Variants in DEFB128 observed in about 807,000 individuals in gnomAD.
The protein encoded by DEFB128 is defensin beta 128, also known as beta-defensin 128.
DEFB128 carries 1 observed loss-of-function variant against 2.4 expected under a neutral mutation model. That is an observed-to-expected ratio of 0.41 (90% CI 0.15 to 1.96). The LOEUF (loss-of-function observed/expected upper bound fraction) is 1.96, where lower values mean the gene tolerates loss of function less well. DEFB128 is among the 30% of genes most tolerant of loss of function. The pLI is 0.30. For synonymous variants in DEFB128, 59 were observed against 39.1 expected (o/e 1.51, Z -1.89); for missense variants, 129 against 104.9 (o/e 1.23, Z -1.00).
chr20:187,910 G>A lies in DEFB128; in HGVS notation c.258C>T (p.Pro86=), dbSNP rs766737080. ...LSVLQDYIIL[P]TITIFTV ...ATTAGACTGTGAAAATGGTGATGGTGGGTAAGATGATGTAATCCTGCAGCA... is the reference window on the plus strand; with the variant it reads ...ATTAGACTGTGAAAATGGTGATGGTAGGTAAGATGATGTAATCCTGCAGCA... Residue 86 remains proline, a synonymous_variant, in exon 2 of 2, where the codon CCC becomes CCT. Transcript: ENST00000334391. The A allele has an allele frequency of 1.2e-6, 2 of 1,613,762 alleles. No individual in the cohort carries two copies. The highest frequency in any genetic ancestry group is 2.2e-5 in the South Asian group (2 of 91,066).
intron 1 of DEFB128, 23 bp from the exon 2 acceptor site, chr20:188,141 A>G: frequency 6.2e-7 from 1 of 1,607,250 alleles, no homozygotes; most frequent in Non-Finnish European, 8.5e-7. Context: ...AACAACATTG[A>G]ACCAAGGTTA....
intron 1 of DEFB128, 150 bp from the exon 2 acceptor site, chr20:188,268 AT>A (rs2011114204): frequency 1.2e-5 from 9 of 740,852 alleles, no homozygotes; most frequent in South Asian, 1.6e-5. Context: ...TCCTTGAAAA[AT>A]ATCCCAAATT....
rs528149326 is a variant in DEFB128 at position 187,942 on chromosome 20, G to T, written c.226C>A (p.Leu76Met). Residue 76 changes from leucine (L) to methionine (M), a missense_variant, in exon 2 of 2, where the codon CTG becomes ATG. Physicochemically the swap from Leu to Met is conservative, Grantham distance 15. Coordinates refer to ENST00000334391, the MANE Select transcript of DEFB128 (RefSeq NM_001037732.3). ...KKPHQHSGEK[L>M]SVLQDYIILP... ...ATGATGTAATCCTGCAGCACACTCAGCTTCTCACCAGAATGTTGATGTGGC... is the reference window on the plus strand; with the variant it reads ...ATGATGTAATCCTGCAGCACACTCATCTTCTCACCAGAATGTTGATGTGGC... 6.2e-7 allele frequency: 1 copy of T among 1,613,976 alleles called. No homozygotes were observed. The highest frequency in any genetic ancestry group is 2.2e-5 in the East Asian group (1 of 44,874).
intron 1 of DEFB128, among the ~76,000 whole-genome samples, chr20:188,849 A>G (rs1300528239): frequency 6.6e-6 from 1 of 152,100 alleles, no homozygotes; most frequent in Non-Finnish European, 1.5e-5. Flanking sequence ...TCTAATCCTT[A>G]TTTGCCCCTC....
At chr20:188,160 G>T in intron 1 of DEFB128, 42 bp from the exon 2 acceptor site, 1 of 1,576,466 alleles carries the variant, frequency 6.3e-7, no homozygotes. Flanking sequence ...TAGTGCGTAA[G>T]GAAGAGCAGA....
At chr20:189,521 C>T in intron 1 of DEFB128, 54 bp downstream of exon 1, 7 of 1,569,584 alleles carry the variant, frequency 4.5e-6, no homozygotes, top group South Asian at 1.1e-5. Context: ...CCTGTTCCCA[C>T]TCTTACAAAT....
At position 188,113 on chromosome 20, in the gene DEFB128, C is replaced by A; in HGVS notation, c.55G>T (p.Ala19Ser). 1 of 1,613,652 alleles carries A rather than the reference C, an allele frequency of 6.2e-7. No individual in the cohort carries two copies. Among genetic ancestry groups the A allele is most frequent in the Non-Finnish European group, 8.5e-7 (1 of 1,179,808 alleles). Residue 19 changes from alanine to serine, a missense_variant, in exon 2 of 2, where the codon GCA (alanine) becomes TCA (serine). Physicochemically the swap from Ala to Ser is moderately conservative, Grantham distance 99 (BLOSUM62 1). Coordinates refer to ENST00000334391, the MANE Select transcript of DEFB128 (RefSeq NM_001037732.3). ...ILLFEVLTDG[A>S]RLKKCFNKVT... The stretch of plus-strand genomic sequence containing the variant: ...TTATTGAAGCATTTTTTGAGTCTTG[C>A]CCCGTCTGTGCATAGGAAACAACAT...
chr20:188,325 C>T (rs1035926599), intron 1 of DEFB128, among the ~76,000 whole-genome samples: 11 of 152,174 alleles, frequency 7.2e-5, no homozygotes, highest in African/African-American at 2.7e-4. Flanking sequence ...CCAGTTGCCT[C>T]TGAGAACATT....
intron 1 of DEFB128, among the ~76,000 whole-genome samples, chr20:188,556 G>A (rs1164761262): frequency 3.9e-5 from 6 of 152,286 alleles, no homozygotes; most frequent in Non-Finnish European, 8.8e-5. Flanking sequence ...AGCAACTTTT[G>A]AAAGAACATC....
In DEFB128 at chr20:189,697, T is replaced by C; in HGVS notation, c.-74A>G. On this transcript the variant is annotated 5_prime_UTR_variant, in exon 1 of 2. Coordinates refer to ENST00000334391, the MANE Select transcript of DEFB128 (RefSeq NM_001037732.3). ...TCTGTGTGCCACAGGTCTTTAAAGA[T>C]GATCCAGAGTTTTGAGAGCTATCAG... 1.3e-6 allele frequency: 2 copies of C among 1,546,120 alleles called. No individual in the cohort carries two copies. The highest frequency in any genetic ancestry group is 1.1e-5 in the South Asian group (1 of 88,732).
chr20:188,512 A>G (rs1298327104), intron 1 of DEFB128, among the ~76,000 whole-genome samples: 1 of 152,208 alleles, frequency 6.6e-6, no homozygotes, highest in Non-Finnish European at 1.5e-5. Context: ...CACCATGTGC[A>G]CAAGACATGT....
At position 187,927 on chromosome 20, in the gene DEFB128, C is replaced by A; in HGVS notation, c.241G>T (p.Asp81Tyr). ...GTGATGGTGGGTAAGATGATGTAAT[C>A]CTGCAGCACACTCAGCTTCTCACCA... ...HSGEKLSVLQ[D>Y]YIILPTITIF... Residue 81 changes from aspartate to tyrosine, a missense_variant, in exon 2 of 2, where the codon GAT becomes TAT. Physicochemically the swap from Asp to Tyr is radical, Grantham distance 160 (BLOSUM62 -3). Coordinates refer to ENST00000334391, the MANE Select transcript of DEFB128 (RefSeq NM_001037732.3). The A allele has an allele frequency of 1.2e-6, 2 of 1,613,900 alleles. No homozygotes were observed. Among genetic ancestry groups the A allele is most frequent in the Non-Finnish European group, 8.5e-7 (1 of 1,179,908 alleles).
Position 188,010 on chromosome 20 carries a change from C to A in DEFB128, c.158G>T (p.Cys53Phe). ...TTTTTTCTCTTCTTCATCATTAGCACAACATAATTTCCCACTTAGACATCC... is the reference window on the plus strand; with the variant it reads ...TTTTTTCTCTTCTTCATCATTAGCAAAACATAATTTCCCACTTAGACATCC... ...EIGCLSGKLC[C>F]ANDEEEKKHV... Residue 53 changes from cysteine to phenylalanine, a missense_variant, in exon 2 of 2, where the codon TGT becomes TTT. Coordinates refer to ENST00000334391, the MANE Select transcript of DEFB128 (RefSeq NM_001037732.3). 6.2e-7 allele frequency: 1 copy of A among 1,614,072 alleles called. No individual in the cohort carries two copies. Among genetic ancestry groups the A allele is most frequent in the Non-Finnish European group, 8.5e-7 (1 of 1,179,948 alleles).
In DEFB128 at chr20:188,111, T is replaced by G. The variant is rs1568473060; in HGVS notation, c.57A>C (p.Ala19=). ...CTTTATTGAAGCATTTTTTGAGTCT[T>G]GCCCCGTCTGTGCATAGGAAACAAC... is the stretch of plus-strand genomic sequence containing the variant. ...ILLFEVLTDG[A]RLKKCFNKVT... The change falls in exon 2 of 2, where the codon GCA becomes GCC. Residue 19 remains alanine (A), a synonymous_variant. Transcript: ENST00000334391. 2 of 1,613,844 alleles carry G rather than the reference T, an allele frequency of 1.2e-6. No individual in the cohort carries two copies. The highest frequency in any genetic ancestry group is 1.7e-6 in the Non-Finnish European group (2 of 1,179,868).
chr20:189,479 G>T (rs559983090), intron 1 of DEFB128, 96 bp downstream of exon 1: 3 of 1,410,988 alleles, frequency 2.1e-6, no homozygotes, highest in Admixed American at 3.6e-5. Context: ...ACTTTTTTAT[G>T]ATTTTGGCCA....
chr20:188,287 T>C (rs2011114327), intron 1 of DEFB128, among the ~76,000 whole-genome samples, 169 bp from the exon 2 acceptor site: 1 of 152,166 alleles, frequency 6.6e-6, no homozygotes, highest in East Asian at 1.9e-4. Flanking sequence ...ATTAAGGACA[T>C]TCAAAAGCCC....
chr20:189,672 T>A lies in DEFB128; in HGVS notation c.-49A>T, dbSNP rs1167442886. On this transcript the variant is annotated 5_prime_UTR_variant, in exon 1 of 2. Transcript: ENST00000334391. The stretch of plus-strand genomic sequence containing the variant: ...GAGGCAGCAGAACTTTGTCCAGTGG[T>A]CTGTGTGCCACAGGTCTTTAAAGAT... 1 of 1,595,324 alleles carries A rather than the reference T, an allele frequency of 6.3e-7. No homozygotes were observed. The highest frequency in any genetic ancestry group is 1.1e-5 in the South Asian group (1 of 90,634).
In DEFB128 at chr20:189,560, A is replaced by T; in HGVS notation, c.49+15T>A. 6.2e-7 allele frequency: 1 copy of T among 1,612,524 alleles called. No individual in the cohort carries two copies. Among genetic ancestry groups the T allele is most frequent in the Non-Finnish European group, 8.5e-7 (1 of 1,178,584 alleles). Reference sequence around the variant, plus strand: ...AATATCTCTTAGGATGTTATAGTACATTTGGACAAGTTACCTGTGAGTACC... The same window carrying T: ...AATATCTCTTAGGATGTTATAGTACTTTTGGACAAGTTACCTGTGAGTACC... On this transcript the variant is annotated intron_variant, in intron 1 of 1. Coordinates refer to ENST00000334391, the MANE Select transcript of DEFB128 (RefSeq NM_001037732.3).
intron 1 of DEFB128, 25 bp from the exon 2 acceptor site, chr20:188,143 C>T: frequency 6.2e-7 from 1 of 1,605,796 alleles, no homozygotes; most frequent in African/African-American, 1.3e-5. Flanking sequence ...CAACATTGAA[C>T]CAAGGTTAGT....
Sources: gnomAD v4.1 joint callset for allele counts (sites outside exome capture counted in the v4.1 genomes callset) on GRCh38, gnomAD v4.1.1 for gene constraint, MANE v1.5 for transcripts, NCBI Gene and HGNC (gene_info 2026-07-23, HGNC 2026-07-21) for gene names.